Variants in USP6 observed in about 807,000 individuals in gnomAD.
USP6 encodes ubiquitin specific peptidase 6.
A neutral mutation model predicts 175.7 loss-of-function variants in USP6; 128 were observed. The ratio of observed to expected loss-of-function variants is 0.73; its 90% CI spans 0.63 to 0.84. The LOEUF is 0.84. USP6 is among the 40% of genes least tolerant of loss of function. The pLI is 0.00. For missense variants in USP6, 1,498 were observed against 1,760.3 expected (o/e 0.85, Z 2.67); for synonymous variants, 562 against 630.6 (o/e 0.89, Z 1.63).
rs2073092089 is a variant in USP6, at chr17:5,132,220, C to G, written c.156-176C>G. ...CACTCCTTCTTCTCCCAGGTCCTGCCCCTCCTGGGAGTCAGAGCCACAGGA... is the reference window on the plus strand; with the variant it reads ...CACTCCTTCTTCTCCCAGGTCCTGCGCCTCCTGGGAGTCAGAGCCACAGGA... On this transcript the variant is annotated intron_variant, in intron 11 of 37. Coordinates refer to ENST00000574788, the MANE Select transcript of USP6 (RefSeq NM_001304284.2). This position sits in a 1 kb window ranked among gnomAD's most constrained non-coding sequence, Gnocchi z 4.7. 36 of 1,567,972 alleles carry G rather than the reference C, an allele frequency of 2.3e-5. No homozygotes were observed. The highest frequency in any genetic ancestry group is 3.0e-5 in the Non-Finnish European group (35 of 1,155,778).
At chr17:5,123,938 C>T (rs1462500810) in intron 4 of USP6, among the ~76,000 whole-genome samples, 1 of 151,658 alleles carries the variant, frequency 6.6e-6, no homozygotes, top group African/African-American at 2.4e-5. Context: ...CACACACACA[C>T]GTGATCAAGG....
chr17:5,158,614 G>GGGGAGAGAGA (rs2073938861), intron 31 of USP6, among the ~76,000 whole-genome samples: 2 of 26,356 alleles, frequency 7.6e-5, no homozygotes, highest in East Asian at 2.1e-3. Context: ...AGGGAGAGGG[G>GGGGAGAGAGA]GAGAGAGAGA....
At chr17:5,123,365 C>T (rs2072768423) in intron 4 of USP6, among the ~76,000 whole-genome samples, 1 of 151,494 alleles carries the variant, frequency 6.6e-6, no homozygotes, top group Non-Finnish European at 1.5e-5. Context: ...GACCCCGGCC[C>T]GGGGGCGGCT....
At chr17:5,153,449 G>T (rs1431147530) in intron 30 of USP6, among the ~76,000 whole-genome samples, 1 of 151,770 alleles carries the variant, frequency 6.6e-6, no homozygotes, top group African/African-American at 2.4e-5. Context: ...ACCACGCCCG[G>T]CTAATTTTGT....
rs1429510389 is a variant in USP6, at chr17:5,135,422, G to A, written c.543+140G>A. The A allele has an allele frequency of 4.1e-6, 5 of 1,210,074 alleles. No individual in the cohort carries two copies. In the Admixed American group the frequency reaches 5.9e-5, roughly 14 times the overall value. The allele number at this position is 1,210,074 out of a possible 1,614,324, so 75.0% of individuals were successfully genotyped here. On this transcript the variant is annotated intron_variant, in intron 16 of 37. Coordinates refer to ENST00000574788, the MANE Select transcript of USP6 (RefSeq NM_001304284.2). The stretch of plus-strand genomic sequence containing the variant: ...ATAGGAGGTAGGATTCTAGGTCACC[G>A]CTGGCATAAACCTCCAAGCAAGGGG...
chr17:5,138,239 A>C lies in USP6; in HGVS notation c.1044A>C (p.Lys348Asn), dbSNP rs1166321761. The C allele has an allele frequency of 2.5e-6, 4 of 1,613,928 alleles. No homozygotes were observed. The highest frequency in any genetic ancestry group is 3.4e-6 in the Non-Finnish European group (4 of 1,180,002). The change falls in exon 21 of 38, where the codon AAA (lysine) becomes AAC (asparagine). Residue 348 changes from lysine (K) to asparagine (N), a missense_variant. Transcript: ENST00000574788. Reference sequence around the variant, plus strand: ...AGCATCTTAGGGCCTCTACGAAGAAACTAACAAGGAAGCAAGGGGACCTGC... The same window carrying C: ...AGCATCTTAGGGCCTCTACGAAGAACCTAACAAGGAAGCAAGGGGACCTGC... ...VLKHLRASTK[K>N]LTRKQGDLPP...
intron 37 of USP6, 119 bp downstream of exon 37, chr17:5,171,798 A>G: frequency 9.1e-7 from 1 of 1,098,444 alleles, no homozygotes; most frequent in Non-Finnish European, 1.3e-6. Context: ...ATTAATATAT[A>G]GATGCTGTCA....
chr17:5,139,102 G>C, intron 21 of USP6, 153 bp from the exon 22 acceptor site: 1 of 1,596,032 alleles, frequency 6.3e-7, no homozygotes, highest in East Asian at 2.2e-5. Context: ...CCCTCCCTCT[G>C]GGATCAGCAG....
chr17:5,133,515 C>G lies in USP6; in HGVS notation c.349C>G (p.Gln117Glu). ...GPVWSVLLNI[Q>E]EIKLKNPGRY... ...GGTGTGGTCAGTCCTCCTGAACATT[C>G]AGGAAATCAAGTTGAAAAACCCCGG... The change falls in exon 14 of 38, where the codon CAG (glutamine) becomes GAG (glutamate). Residue 117 changes from glutamine (Q) to glutamate (E), a missense_variant. Physicochemically the swap from Gln to Glu is conservative, Grantham distance 29. This residue lies in a region of USP6 where 281 missense variants were observed against 259.6 expected (regional missense o/e 1.08). Transcript: ENST00000574788. The G allele has an allele frequency of 1.2e-6, 2 of 1,611,482 alleles. No homozygotes were observed. The highest frequency in any genetic ancestry group is 8.5e-7 in the Non-Finnish European group (1 of 1,179,600).
rs1241230983 is a variant in USP6 at position 5,124,735 on chromosome 17, T to G, written c.-1129T>G. ...ATTCTGTTGTTGAAGGTGCCCAGTCTGTGGTACTGTAAAACAGCCCTGGGA... is the reference window on the plus strand; with the variant it reads ...ATTCTGTTGTTGAAGGTGCCCAGTCGGTGGTACTGTAAAACAGCCCTGGGA... On this transcript the variant is annotated 5_prime_UTR_variant, in exon 5 of 38. Coordinates refer to ENST00000574788, the MANE Select transcript of USP6 (RefSeq NM_001304284.2). 1 of 152,186 alleles carries G rather than the reference T, an allele frequency of 6.6e-6. No homozygotes were observed. The allele number at this position is 152,186 out of a possible 1,614,324, so 9.4% of individuals were successfully genotyped here.
intron 15 of USP6, 83 bp downstream of exon 15, chr17:5,134,079 T>A (rs2073173425): frequency 1.4e-6 from 2 of 1,459,000 alleles, no homozygotes; most frequent in Admixed American, 3.5e-5. Flanking sequence ...GAAGCCAGGG[T>A]CACCCAGGAG....
Position 5,137,136 on chromosome 17 carries a change from T to C in USP6, c.775T>C (p.Cys259Arg). 1 of 1,613,470 alleles carries C rather than the reference T, an allele frequency of 6.2e-7. No individual in the cohort carries two copies. Among genetic ancestry groups the C allele is most frequent in the Admixed American group, 1.7e-5 (1 of 60,008 alleles). ...ATCCCATCAGGACAAGGAAGGTCTATGCGGGCAGTGTGCCTCGTTAGGCTG... is the reference window on the plus strand; with the variant it reads ...ATCCCATCAGGACAAGGAAGGTCTACGCGGGCAGTGTGCCTCGTTAGGCTG... ...TMWHQDKEGL[C>R]GQCASLGCLL... Residue 259 changes from cysteine to arginine, a missense_variant, in exon 19 of 38, where the codon TGC becomes CGC. Coordinates refer to ENST00000574788, the MANE Select transcript of USP6 (RefSeq NM_001304284.2).
chr17:5,161,236 T>C (rs1313173990), intron 31 of USP6, among the ~76,000 whole-genome samples: 1 of 152,262 alleles, frequency 6.6e-6, no homozygotes, highest in African/African-American at 2.4e-5. Flanking sequence ...AATTGGTATT[T>C]GATTTCATGA....
At chr17:5,147,592 A>G (rs2073647701) in intron 29 of USP6, among the ~76,000 whole-genome samples, 2 of 152,240 alleles carry the variant, frequency 1.3e-5, no homozygotes, top group Non-Finnish European at 1.5e-5. Context: ...TGCTTTGTCT[A>G]TTCTTTATAT....
At chr17:5,122,168 G>T (rs985809717) in intron 4 of USP6, among the ~76,000 whole-genome samples, 1 of 151,950 alleles carries the variant, frequency 6.6e-6, no homozygotes, top group African/African-American at 2.4e-5. Flanking sequence ...GAAGGAAGGT[G>T]GTGCACGCAG....
At chr17:5,128,224 G>A (rs115273865) in intron 7 of USP6, among the ~76,000 whole-genome samples, 1 of 152,266 alleles carries the variant, frequency 6.6e-6, no homozygotes, top group African/African-American at 2.4e-5. Context: ...GCTGAGCCAG[G>A]TTTTAGATAA....
At chr17:5,145,192 G>T (rs1304316118) in intron 26 of USP6, among the ~76,000 whole-genome samples, 1 of 152,064 alleles carries the variant, frequency 6.6e-6, no homozygotes, top group Non-Finnish European at 1.5e-5. Context: ...CTTATTAATG[G>T]ACAAATAACT....
Position 5,144,849 on chromosome 17 carries a change from G to T in USP6, c.1978G>T (p.Glu660Ter). The T allele has an allele frequency of 7.5e-6, 12 of 1,600,720 alleles. No individual in the cohort carries two copies. The highest frequency in any genetic ancestry group is 1.0e-5 in the Non-Finnish European group (12 of 1,169,842). ...LKDSDGRPDW[E>*]VAAEAWDNHL... ...GGACAGTGATGGCCGACCAGACTGG[G>T]AAGTAGCTGCAGAGGTTTGTCAGTT... The change falls in exon 26 of 38, where the codon GAA (glutamate) becomes TAA (stop). Residue 660 changes from glutamate (E) to a stop codon, truncating the protein, a stop_gained. Coordinates refer to ENST00000574788, the MANE Select transcript of USP6 (RefSeq NM_001304284.2). LOFTEE classifies it high-confidence loss of function.
chr17:5,123,215 A>G (rs1323982540), intron 4 of USP6: 2 of 136,112 alleles, frequency 1.5e-5, no homozygotes, highest in Non-Finnish European at 3.2e-5. Context: ...CCAGAGATCT[A>G]CTGGATGGGG....
Sources: allele counts gnomAD v4.1 joint callset (sites outside exome capture counted in the v4.1 genomes callset), GRCh38; gene constraint gnomAD v4.1.1; regional missense constraint gnomAD v4.1.1; non-coding constraint Gnocchi (gnomAD v3.1); transcripts MANE v1.5; gene names NCBI Gene and HGNC (gene_info 2026-07-23, HGNC 2026-07-21).